The following PXN variants were observed in gnomAD, a reference collection of about 807,000 sequenced individuals.
The protein encoded by PXN is paxillin.
PXN carries 61 observed loss-of-function variants against 103.6 expected under a neutral mutation model. The ratio of observed to expected loss-of-function variants is 0.59; its 90% CI spans 0.48 to 0.73. PXN has a LOEUF of 0.73. Among genes scored for constraint, PXN ranks in the 30% least tolerant of loss-of-function variants. The pLI, the probability that PXN is intolerant of heterozygous loss-of-function variation, is 0.00. For synonymous variants in PXN, 562 were observed against 607.8 expected (o/e 0.92, Z 1.11); for missense variants, 1,274 against 1,460.3 (o/e 0.87, Z 2.08).
rs1881728229 is a variant in PXN, at chr12:120,214,345, GTC to G, written c.2749-130_2749-129del. 3.8e-6 allele frequency: 3 copies of G among 786,408 alleles called. No homozygotes were observed. The highest frequency in any genetic ancestry group is 3.4e-5 in the African/African-American group (2 of 58,484). 48.7% of individuals were successfully genotyped at this position (786,408 alleles called of 1,614,324 possible). A position where few individuals can be genotyped will look rare whatever the true frequency, so the allele number is the denominator to read the frequency against. ...AGAGCAAAACACTCCCAAGATGGGG[GTC>G]TCTCCTAATTGTGCTGTGAATGCCT... On this transcript the variant is annotated intron_variant, in intron 12 of 14. Transcript: ENST00000637617. The surrounding 1 kb of genome is among the most constrained non-coding windows in gnomAD (Gnocchi z 5.0).
intron 1 of PXN, among the ~76,000 whole-genome samples, chr12:120,252,359 G>T (rs1038229312): frequency 3.3e-5 from 5 of 152,138 alleles, no homozygotes; most frequent in African/African-American, 1.2e-4. Context: ...AATTTACACA[G>T]ATCTGTAAAG....
intron 1 of PXN, among the ~76,000 whole-genome samples, chr12:120,238,880 G>T (rs1889629805): frequency 6.6e-6 from 1 of 152,134 alleles, no homozygotes; most frequent in Non-Finnish European, 1.5e-5. Context: ...ATGTATGGGG[G>T]GCACAGCTGT....
chr12:120,216,260 C>T lies in PXN; in HGVS notation c.2301+13G>A. Reference sequence around the variant, plus strand: ...ACAGGGGACAGAAAGGGAGGGGCTCCTTTAAGGCCTGCCTGCATCGGGGGG... The same window carrying T: ...ACAGGGGACAGAAAGGGAGGGGCTCTTTTAAGGCCTGCCTGCATCGGGGGG... On this transcript the variant is annotated intron_variant, in intron 9 of 14. Transcript: ENST00000637617. The surrounding 1 kb of genome is among the most constrained non-coding windows in gnomAD (Gnocchi z 5.1). 1.6e-6 allele frequency: 2 copies of T among 1,276,070 alleles called. No homozygotes were observed. Among genetic ancestry groups the T allele is most frequent in the Non-Finnish European group, 2.0e-6 (2 of 1,015,590 alleles). 79.0% of individuals were successfully genotyped at this position (1,276,070 alleles called of 1,614,324 possible).
chr12:120,230,795 C>A (rs1887874213), intron 1 of PXN, among the ~76,000 whole-genome samples: 2 of 152,040 alleles, frequency 1.3e-5, no homozygotes, highest in South Asian at 4.2e-4. Context: ...TCAGTAAGGG[C>A]CAATCCACAA....
chr12:120,240,955 C>CT (rs1890037106), intron 1 of PXN, among the ~76,000 whole-genome samples: 1 of 152,210 alleles, frequency 6.6e-6, no homozygotes, highest in Admixed American at 6.5e-5. Context: ...TCCACATTCT[C>CT]TTTTTTTCCC....
In PXN at chr12:120,258,265, C is replaced by T. The variant is rs958444034; in HGVS notation, c.13+7352G>A. Among the ~76,000 whole-genome samples, 6 of 152,020 alleles carry T rather than the reference C, an allele frequency of 3.9e-5. No individual in the cohort carries two copies. In the East Asian group the frequency reaches 7.7e-4, roughly 20 times the overall value. On this transcript the variant is annotated intron_variant, in intron 1 of 14. Coordinates refer to ENST00000637617, the MANE Select transcript of PXN (RefSeq NM_001385981.1). ...CCCATCTCAAACTCCAACCAGAGTT[C>T]GGCATCTCACATGCTTCAACCCTGG...
chr12:120,260,665 A>T lies in PXN; in HGVS notation c.13+4952T>A, dbSNP rs117539079. Among the ~76,000 whole-genome samples, 29 of 152,310 alleles carry T rather than the reference A, an allele frequency of 1.9e-4. 1 individual carries two copies. In the East Asian group the frequency reaches 5.4e-3, roughly 28 times the overall value. On this transcript the variant is annotated intron_variant, in intron 1 of 14. Coordinates refer to ENST00000637617, the MANE Select transcript of PXN (RefSeq NM_001385981.1). ...AACCCATATCAGATGCAGTATTATGAACAGAAGTGTAAAGAATGCACCAGG... is the reference window on the plus strand; with the variant it reads ...AACCCATATCAGATGCAGTATTATGTACAGAAGTGTAAAGAATGCACCAGG...
intron 1 of PXN, among the ~76,000 whole-genome samples, chr12:120,231,646 T>C (rs1287710035): frequency 6.6e-6 from 1 of 152,180 alleles, no homozygotes; most frequent in Non-Finnish European, 1.5e-5. Context: ...TCCTGTATGC[T>C]GAGGAGCTCT....
In PXN at chr12:120,215,105, G is replaced by A; in HGVS notation, c.2572C>T (p.Gln858Ter). 1 of 1,578,878 alleles carries A rather than the reference G, an allele frequency of 6.3e-7. No individual in the cohort carries two copies. The highest frequency in any genetic ancestry group is 1.2e-5 in the South Asian group (1 of 85,350). Residue 858 changes from glutamine (Q) to a stop codon, truncating the protein, a stop_gained and splice_region_variant, in exon 11 of 15, where the codon CAG becomes TAG. Coordinates refer to ENST00000637617, the MANE Select transcript of PXN (RefSeq NM_001385981.1). LOFTEE classifies it high-confidence loss of function. The surrounding 1 kb of genome is among the most constrained non-coding windows in gnomAD (Gnocchi z 4.9). ...CGACKKPIAGQVVTAMGKTWH... is the reference protein window; with the variant it reads ...CGACKKPIAG ...CCCTGCCCACTCCCCCTCATCACCT[G>A]CCCGGCGATGGGCTTCTTGCAGGCC...
chr12:120,219,421 C>T lies in PXN; in HGVS notation c.1502G>A (p.Ser501Asn). ...CGTGGTAACTGAGGCAGGGGAGCTG[C>T]TTCCCAGCCTCCCTGGCTCTGGCCT... ...RPRPEPGRLG[S>N]SSPASVTTEQ... is the part of the protein sequence containing the mutation. The change falls in exon 7 of 15, where the codon AGC becomes AAC. Residue 501 changes from serine (S) to asparagine (N), a missense_variant. Physicochemically the swap from Ser to Asn is conservative, Grantham distance 46. Coordinates refer to ENST00000637617, the MANE Select transcript of PXN (RefSeq NM_001385981.1). This position sits in a 1 kb window ranked among gnomAD's most constrained non-coding sequence, Gnocchi z 6.5. 1.3e-6 allele frequency: 2 copies of T among 1,598,086 alleles called. No homozygotes were observed. The highest frequency in any genetic ancestry group is 1.7e-6 in the Non-Finnish European group (2 of 1,179,534).
intron 1 of PXN, chr12:120,248,859 A>G (rs1891668529): frequency 6.6e-6 from 1 of 152,230 alleles, no homozygotes; most frequent in South Asian, 2.1e-4. Context: ...AGTTATGGCC[A>G]GGTGCAGTGG....
Position 120,265,697 on chromosome 12 carries a change from C to G in PXN, c.-68G>C, listed in dbSNP as rs1042821066. 16 of 1,297,064 alleles carry G rather than the reference C, an allele frequency of 1.2e-5. No homozygotes were observed. Among genetic ancestry groups the G allele is most frequent in the Admixed American group, 3.8e-5 (1 of 26,492 alleles). 80.3% of individuals were successfully genotyped at this position (1,297,064 alleles called of 1,614,324 possible). On this transcript the variant is annotated 5_prime_UTR_variant, in exon 1 of 15. Coordinates refer to ENST00000637617, the MANE Select transcript of PXN (RefSeq NM_001385981.1). This position sits in a 1 kb window ranked among gnomAD's most constrained non-coding sequence, Gnocchi z 5.7. The stretch of plus-strand genomic sequence containing the variant: ...GTCCCGGGGCCGCTCGTCTATGCCC[C>G]GCAACTTTTCCGCCGCGAGCCTCGG...
At position 120,216,200 on chromosome 12, in the gene PXN, G is replaced by A. The variant is rs996855281; in HGVS notation, c.2301+73C>T. On this transcript the variant is annotated intron_variant, in intron 9 of 14. Coordinates refer to ENST00000637617, the MANE Select transcript of PXN (RefSeq NM_001385981.1). This position sits in a 1 kb window ranked among gnomAD's most constrained non-coding sequence, Gnocchi z 5.1. The stretch of plus-strand genomic sequence containing the variant: ...TCTGTGTATGTGTGTGTGCACGTGT[G>A]TGTGTGCAGAGTGGGGGATGGCTCA... 1 of 1,269,298 alleles carries A rather than the reference G, an allele frequency of 7.9e-7. No homozygotes were observed. Among genetic ancestry groups the A allele is most frequent in the Non-Finnish European group, 9.9e-7 (1 of 1,010,916 alleles). 78.6% of individuals were successfully genotyped at this position (1,269,298 alleles called of 1,614,324 possible).
chr12:120,237,460 C>T (rs922788211), intron 1 of PXN, among the ~76,000 whole-genome samples: 6 of 152,150 alleles, frequency 3.9e-5, no homozygotes, highest in Non-Finnish European at 5.9e-5. Flanking sequence ...ATCAGCCCCA[C>T]CCGCATGTGT....
intron 1 of PXN, among the ~76,000 whole-genome samples, chr12:120,256,715 TTTG>T (rs913257514): frequency 1.6e-4 from 24 of 152,106 alleles, no homozygotes; most frequent in African/African-American, 4.8e-4. Flanking sequence ...AGGGTTTTTT[TTTG>T]TTGTTGTTGT....
rs576982262 is a variant in PXN at position 120,217,968 on chromosome 12, T to G, written c.1717-852A>C. Among the ~76,000 whole-genome samples the G allele has an allele frequency of 6.6e-6, 1 of 151,948 alleles. No individual in the cohort carries two copies. Among genetic ancestry groups the G allele is most frequent in the South Asian group, 2.1e-4 (1 of 4,816 alleles). On this transcript the variant is annotated intron_variant, in intron 7 of 14. Coordinates refer to ENST00000637617, the MANE Select transcript of PXN (RefSeq NM_001385981.1). The surrounding 1 kb of genome is among the most constrained non-coding windows in gnomAD (Gnocchi z 4.1). ...TTATGCTAATATTATATTATGCTAT[T>G]ATACTTGTTGGTAGTGTTTTGGGGG...
At chr12:120,257,589 CA>C (rs1423358983) in intron 1 of PXN, among the ~76,000 whole-genome samples, 2 of 152,158 alleles carry the variant, frequency 1.3e-5, no homozygotes, top group Non-Finnish European at 2.9e-5. Flanking sequence ...CCAAGAGGGC[CA>C]CTGGTGCCAG....
At chr12:120,231,032 A>G (rs993948603) in intron 1 of PXN, among the ~76,000 whole-genome samples, 12 of 152,136 alleles carry the variant, frequency 7.9e-5, no homozygotes, top group African/African-American at 2.9e-4. Flanking sequence ...GGGGCTGTGA[A>G]GAGGAGGAGG....
intron 1 of PXN, among the ~76,000 whole-genome samples, chr12:120,254,196 T>C (rs1447972552): frequency 6.6e-6 from 1 of 152,170 alleles, no homozygotes; most frequent in Non-Finnish European, 1.5e-5. Flanking sequence ...TATATTTATA[T>C]ATCTATAAAG....
Sources: allele counts gnomAD v4.1 joint callset (sites outside exome capture counted in the v4.1 genomes callset), GRCh38; gene constraint gnomAD v4.1.1; non-coding constraint Gnocchi (gnomAD v3.1); transcripts MANE v1.5; gene names NCBI Gene and HGNC (gene_info 2026-07-23, HGNC 2026-07-21).